The following PIAS2 variants were observed in gnomAD, a reference collection of about 807,000 sequenced individuals.
PIAS2 encodes E3 SUMO-protein ligase PIAS2.
Under a neutral mutation model 69.7 loss-of-function variants are expected in PIAS2, and 19 were observed. The observed-to-expected ratio is 0.27, with a 90% CI of 0.19 to 0.40. The LOEUF (loss-of-function observed/expected upper bound fraction) is 0.40, where lower values mean the gene tolerates loss of function less well. PIAS2 is among the 10% of genes least tolerant of loss of function. The probability of loss-of-function intolerance (pLI) is 1.00; values close to 1 mark genes in which losing one functional copy is unlikely to be tolerated. For synonymous variants in PIAS2, 261 were observed against 263.2 expected (o/e 0.99, Z 0.08); for missense variants, 624 against 757.0 (o/e 0.82, Z 2.06).
intron 4 of PIAS2, 48 bp downstream of exon 4, chr18:46,855,517 C>G (rs780953395): frequency 1.3e-6 from 2 of 1,562,808 alleles, no homozygotes; most frequent in Non-Finnish European, 1.8e-6. Context: ...ACTACATGCA[C>G]ATAGTAAGCA....
intron 12 of PIAS2, chr18:46,815,604 G>T (rs2041431261): frequency 8.8e-7 from 1 of 1,136,572 alleles, no homozygotes; most frequent in African/African-American, 1.6e-5. Flanking sequence ...TCCAGTGAAG[G>T]ACTAGTCAAA....
intron 2 of PIAS2, among the ~76,000 whole-genome samples, chr18:46,887,506 T>A (rs1337053712): frequency 6.6e-6 from 1 of 152,228 alleles, no homozygotes; most frequent in African/African-American, 2.4e-5. Flanking sequence ...TCCCAATTTA[T>A]TTCATAAAGA....
chr18:46,871,774 T>C (rs1042054790), intron 2 of PIAS2, among the ~76,000 whole-genome samples: 1 of 152,204 alleles, frequency 6.6e-6, no homozygotes, highest in Admixed American at 6.5e-5. Flanking sequence ...AGAGGTCAAA[T>C]ATAAAAATTG....
At chr18:46,835,169 A>C (rs941887558) in intron 9 of PIAS2, among the ~76,000 whole-genome samples, 1 of 152,220 alleles carries the variant, frequency 6.6e-6, no homozygotes, top group African/African-American at 2.4e-5. Flanking sequence ...AAATGGTAAT[A>C]ATCATCTCTC....
chr18:46,859,486 G>C (rs2048348557), intron 3 of PIAS2, among the ~76,000 whole-genome samples: 1 of 150,760 alleles, frequency 6.6e-6, no homozygotes, highest in Admixed American at 6.6e-5. Context: ...GACAGGATGT[G>C]GTAAATGAAG....
intron 2 of PIAS2, among the ~76,000 whole-genome samples, chr18:46,877,358 CTCGAGA>C (rs903430811): frequency 2.0e-5 from 3 of 152,178 alleles, no homozygotes; most frequent in African/African-American, 7.2e-5. Context: ...GTTCTTTGTT[CTCGAGA>C]TCAACTTCCT....
chr18:46,861,595 T>C lies in PIAS2; in HGVS notation c.584+2569A>G, dbSNP rs867574714. On this transcript the variant is annotated intron_variant, in intron 3 of 13. Transcript: ENST00000585916. ...GATATCAATATTATGTTGCCTGATA[T>C]GGTACCCTGAGAAGGGCACATAACT... is the stretch of plus-strand genomic sequence containing the variant. Among the ~76,000 whole-genome samples the C allele has an allele frequency of 4.6e-5, 7 of 152,326 alleles. No homozygotes were observed. The East Asian group carries it at 9.6e-4, about 21-fold the overall frequency.
At chr18:46,817,763 T>C in intron 12 of PIAS2, 1 of 951,384 alleles carries the variant, frequency 1.1e-6, no homozygotes, top group Non-Finnish European at 1.3e-6. Flanking sequence ...TTTTCTCAAG[T>C]ACTAACAGTG....
In PIAS2 at chr18:46,805,817, G is replaced by A. The variant is rs955003783; in HGVS notation, c.*6616C>T. 6.6e-6 allele frequency: 1 copy of A among 152,186 alleles called. No homozygotes were observed. The highest frequency in any genetic ancestry group is 2.4e-5 in the African/African-American group (1 of 41,444). 9.4% of individuals were successfully genotyped at this position (152,186 alleles called of 1,614,324 possible). Reference sequence around the variant, plus strand: ...GGGAGGTTTGTACTTTTATTTAAAAGACTGCAGAAAAACCAGGAATGAGCC... The same window carrying A: ...GGGAGGTTTGTACTTTTATTTAAAAAACTGCAGAAAAACCAGGAATGAGCC... On this transcript the variant is annotated 3_prime_UTR_variant, in exon 14 of 14. Coordinates refer to ENST00000585916, the MANE Select transcript of PIAS2 (RefSeq NM_004671.5).
At chr18:46,847,849 C>T (rs1236774232) in intron 5 of PIAS2, among the ~76,000 whole-genome samples, 1 of 152,110 alleles carries the variant, frequency 6.6e-6, no homozygotes, top group Non-Finnish European at 1.5e-5. Flanking sequence ...CCAATTACCG[C>T]AAGACTTCAC....
chr18:46,838,011 A>C lies in PIAS2; in HGVS notation c.1042-1494T>G, dbSNP rs867226335. 6.4e-4 allele frequency among the ~76,000 whole-genome samples: 98 copies of C among 152,368 alleles called. 1 individual carries two copies. The Middle Eastern group carries it at 0.01, about 16-fold the overall frequency. On this transcript the variant is annotated intron_variant, in intron 8 of 13. Transcript: ENST00000585916. ...GAAAAGAACAAACAGGAAACGAAGA[A>C]GACGGACCTATTTTTATGCTATAAA...
intron 5 of PIAS2, among the ~76,000 whole-genome samples, chr18:46,850,658 G>A (rs1450836136): frequency 1.3e-5 from 2 of 152,154 alleles, no homozygotes; most frequent in African/African-American, 4.8e-5. Flanking sequence ...GTTTTCAGTG[G>A]TGTCAAGATT....
chr18:46,863,122 G>T (rs987263905), intron 3 of PIAS2, among the ~76,000 whole-genome samples: 3 of 151,900 alleles, frequency 2.0e-5, no homozygotes, highest in Non-Finnish European at 4.4e-5. Context: ...TTTCATAATT[G>T]TTTTCATATA....
At chr18:46,814,768 C>A (rs576407353) in intron 13 of PIAS2, among the ~76,000 whole-genome samples, 6 of 152,312 alleles carry the variant, frequency 3.9e-5, no homozygotes, top group Non-Finnish European at 8.8e-5. Context: ...TCCAGGCTCA[C>A]TGCAAGGTCT....
intron 1 of PIAS2, among the ~76,000 whole-genome samples, chr18:46,897,807 TG>T (rs2055132839): frequency 6.6e-6 from 1 of 151,904 alleles, no homozygotes; most frequent in Admixed American, 6.6e-5. Context: ...ACTTCTAAAA[TG>T]TATACTATGT....
At chr18:46,843,658 T>G (rs1460768827) in intron 8 of PIAS2, among the ~76,000 whole-genome samples, 1 of 152,164 alleles carries the variant, frequency 6.6e-6, no homozygotes, top group African/African-American at 2.4e-5. Flanking sequence ...TAAAAGAACA[T>G]TACAAAGACA....
chr18:46,868,039 A>T (rs1008644810), intron 2 of PIAS2, among the ~76,000 whole-genome samples: 1 of 152,190 alleles, frequency 6.6e-6, no homozygotes, highest in African/African-American at 2.4e-5. Flanking sequence ...GCTGCCAAAC[A>T]TATCAGGGAA....
At chr18:46,886,801 G>A (rs140468928) in intron 2 of PIAS2, among the ~76,000 whole-genome samples, 11 of 152,032 alleles carry the variant, frequency 7.2e-5, no homozygotes, top group Middle Eastern at 3.4e-3. Flanking sequence ...CAGCGCCACC[G>A]CCCTCCATCC....
chr18:46,862,666 T>TACACACATATATATACAC (rs543542815), intron 3 of PIAS2, among the ~76,000 whole-genome samples: 3 of 151,814 alleles, frequency 2.0e-5, no homozygotes, highest in African/African-American at 7.3e-5. Flanking sequence ...CACATATATA[T>TACACACATATATATACAC]ACACACATAT....
Sources: allele counts gnomAD v4.1 joint callset (sites outside exome capture counted in the v4.1 genomes callset), GRCh38; gene constraint gnomAD v4.1.1; transcripts MANE v1.5; gene names NCBI Gene and HGNC (gene_info 2026-07-23, HGNC 2026-07-21).